The following NEXMIF variants were observed in gnomAD, a reference collection of about 807,000 sequenced individuals.
NEXMIF encodes the protein neurite extension and migration factor.
NEXMIF carries 8 observed loss-of-function variants against 62.1 expected under a neutral mutation model. The observed-to-expected ratio is 0.13, with a 90% CI of 0.08 to 0.23. The LOEUF (loss-of-function observed/expected upper bound fraction) is 0.23. NEXMIF is among the 10% of genes least tolerant of loss of function. NEXMIF has a pLI of 1.00. For synonymous variants in NEXMIF, 404 were observed against 416.6 expected (o/e 0.97, Z 0.37); for missense variants, 976 against 1,113.3 (o/e 0.88, Z 1.75).
At chrX:74,794,094 C>T (rs2080296479) in intron 1 of NEXMIF, among the ~76,000 whole-genome samples, 1 of 101,148 alleles carries the variant, frequency 9.9e-6, no homozygotes, top group Non-Finnish European at 2.0e-5. Context: ...GTTTTTTCCC[C>T]ATCTTTGTGG....
chrX:74,922,260 G>A (rs1039234964), intron 1 of NEXMIF, among the ~76,000 whole-genome samples: 19 of 111,760 alleles, frequency 1.7e-4, no homozygotes, highest in African/African-American at 5.9e-4. Context: ...AAGAAAAAGA[G>A]GGAAAAGGGA....
At chrX:74,831,507 T>C (rs1460850757) in intron 1 of NEXMIF, among the ~76,000 whole-genome samples, 2 of 110,223 alleles carry the variant, frequency 1.8e-5, no homozygotes, top group Non-Finnish European at 3.8e-5. Flanking sequence ...TCCATGTCCC[T>C]ACAAAGGACA....
At chrX:74,920,963 G>A (rs1569369488) in intron 1 of NEXMIF, among the ~76,000 whole-genome samples, 1 of 111,478 alleles carries the variant, frequency 9.0e-6, no homozygotes, top group Non-Finnish European at 1.9e-5. Flanking sequence ...TTTTTTTAAT[G>A]GGGCTTGAGG....
chrX:74,835,464 T>C (rs1236041942), intron 1 of NEXMIF, among the ~76,000 whole-genome samples: 1 of 112,001 alleles, frequency 8.9e-6, no homozygotes, highest in African/African-American at 3.2e-5. Flanking sequence ...GCTTTACAAG[T>C]ATTTTAAGAG....
intron 1 of NEXMIF, among the ~76,000 whole-genome samples, chrX:74,749,464 C>A (rs142189094): frequency 1.0e-3 from 116 of 111,036 alleles, no homozygotes; most frequent in Middle Eastern, 9.4e-3. Flanking sequence ...CCAGTTGTAT[C>A]CTCTTTTCAT....
chrX:74,925,242 T>C lies in NEXMIF; in HGVS notation c.-407A>G. On this transcript the variant is annotated 5_prime_UTR_variant, in exon 1 of 4. Coordinates refer to ENST00000055682, the MANE Select transcript of NEXMIF (RefSeq NM_001008537.3). ...CACTGTCGCTCGCCCCGGCTGGAGC[T>C]ACCTAGCGAGCGGGCTGCGCGCTCG... The C allele has an allele frequency of 8.4e-6, 1 of 118,933 alleles. No individual in the cohort carries two copies. Among genetic ancestry groups the C allele is most frequent in the Non-Finnish European group, 1.8e-5 (1 of 56,529 alleles). 9.8% of individuals were successfully genotyped at this position (118,933 alleles called of 1,213,427 possible). A position where few individuals can be genotyped will look rare whatever the true frequency, so the allele number is the denominator to read the frequency against.
At chrX:74,822,928 A>G (rs2080402038) in intron 1 of NEXMIF, among the ~76,000 whole-genome samples, 1 of 112,059 alleles carries the variant, frequency 8.9e-6, no homozygotes, top group African/African-American at 3.2e-5. Context: ...ATTTTTCACA[A>G]TAGCCAAAAT....
At chrX:74,786,816 TACACAC>T (rs761602482) in intron 1 of NEXMIF, among the ~76,000 whole-genome samples, 1 of 107,307 alleles carries the variant, frequency 9.3e-6, no homozygotes, top group Non-Finnish European at 1.9e-5. Context: ...AACAAGGTTG[TACACAC>T]ACACACACAC....
intron 1 of NEXMIF, among the ~76,000 whole-genome samples, chrX:74,751,045 T>A (rs958622749): frequency 9.0e-6 from 1 of 111,001 alleles, no homozygotes; most frequent in African/African-American, 3.3e-5. Context: ...CTGGGCAACA[T>A]GGGGAAACCC....
Position 74,763,183 on chromosome X carries a change from A to C in NEXMIF, c.-47-17486T>G, listed in dbSNP as rs1156907686. 6.3e-5 allele frequency among the ~76,000 whole-genome samples: 7 copies of C among 111,991 alleles called. No homozygotes were observed. The East Asian group carries it at 1.1e-3, about 18-fold the overall frequency. On this transcript the variant is annotated intron_variant, in intron 1 of 3. Transcript: ENST00000055682. Reference sequence around the variant, plus strand: ...GGGATCCAGTTTCAGCTTTCTACATATGGCTAGCCAGTTATTCCAGCACCA... The same window carrying C: ...GGGATCCAGTTTCAGCTTTCTACATCTGGCTAGCCAGTTATTCCAGCACCA...
intron 1 of NEXMIF, among the ~76,000 whole-genome samples, chrX:74,810,585 G>A (rs2147474507): frequency 9.7e-6 from 1 of 103,423 alleles, no homozygotes; most frequent in African/African-American, 3.5e-5. Context: ...GAGGTTAGGA[G>A]TCAGGGAGTG....
intron 1 of NEXMIF, among the ~76,000 whole-genome samples, chrX:74,885,729 G>A (rs56671181): frequency 0.082 from 9,130 of 111,487 alleles, 926 homozygotes; most frequent in African/African-American, 0.28. Flanking sequence ...ACAAGGAGGA[G>A]CTGGTACCAT....
chrX:74,749,927 G>A (rs1466307728), intron 1 of NEXMIF, among the ~76,000 whole-genome samples: 1 of 112,001 alleles, frequency 8.9e-6, no homozygotes, highest in Non-Finnish European at 1.9e-5. Context: ...AGATGGGAGA[G>A]AATTTAGGGA....
At chrX:74,892,875 C>T (rs1018546404) in intron 1 of NEXMIF, among the ~76,000 whole-genome samples, 3 of 111,727 alleles carry the variant, frequency 2.7e-5, no homozygotes, top group Non-Finnish European at 3.8e-5. Context: ...TTTCTTTCTA[C>T]GAATTAGAGT....
In NEXMIF at chrX:74,737,608, C is replaced by T. The variant is rs751107363; in HGVS notation, c.*1797G>A. 1 of 111,396 alleles carries T rather than the reference C, an allele frequency of 9.0e-6. No homozygotes were observed. The highest frequency in any genetic ancestry group is 2.9e-4 in the East Asian group (1 of 3,505). 9.2% of individuals were successfully genotyped at this position (111,396 alleles called of 1,213,427 possible). A position where few individuals can be genotyped will look rare whatever the true frequency, so the allele number is the denominator to read the frequency against. Reference sequence around the variant, plus strand: ...ACCCAGCTGTAAGGAATAGAGCAGGCTGGTGAAAGGAATCATGGACCGGGA... The same window carrying T: ...ACCCAGCTGTAAGGAATAGAGCAGGTTGGTGAAAGGAATCATGGACCGGGA... On this transcript the variant is annotated 3_prime_UTR_variant, in exon 4 of 4. Transcript: ENST00000055682.
rs1041986802 is a variant in NEXMIF at position 74,740,123 on chromosome X, C to A, written c.4434G>T (p.Gly1478=). The part of the protein sequence containing the change: ...EREQVHKDES[G]TASFEKLRDS... ...ACCTCAGTTTTTCAAAAGAAGCTGT[C>A]CCAGACTCATCCTTGTGGACCTGTT... Residue 1478 remains glycine, a synonymous_variant, in exon 3 of 4, where the codon GGG becomes GGT. Transcript: ENST00000055682. 1.7e-6 allele frequency: 2 copies of A among 1,208,289 alleles called. No homozygotes were observed. The highest frequency in any genetic ancestry group is 3.5e-5 in the African/African-American group (2 of 56,775).
chrX:74,743,013 G>T lies in NEXMIF; in HGVS notation c.1544C>A (p.Ser515Tyr). 8.3e-7 allele frequency: 1 copy of T among 1,210,813 alleles called. No homozygotes were observed. The highest frequency in any genetic ancestry group is 1.7e-5 in the African/African-American group (1 of 57,629). Residue 515 changes from serine to tyrosine, a missense_variant, in exon 3 of 4, where the codon TCC becomes TAC. By Grantham distance (144) the Ser-to-Tyr change is moderately radical. Around this residue, in one of 5 missense-constraint regions of NEXMIF, gnomAD observed 639 missense variants for 694.5 expected, o/e 0.92. Transcript: ENST00000055682. The part of the protein sequence containing the change: ...NERKEWLPVG[S>Y]KEEDDDEWCP... ...CCATTCATCATCATCTTCCTCTTTG[G>T]AACCAACTGGCAGCCATTCCTTCCT...
chrX:74,741,202 G>C lies in NEXMIF; in HGVS notation c.3355C>G (p.Leu1119Val). 1 of 1,211,410 alleles carries C rather than the reference G, an allele frequency of 8.3e-7. No homozygotes were observed. The highest frequency in any genetic ancestry group is 1.1e-6 in the Non-Finnish European group (1 of 895,400). Residue 1119 changes from leucine to valine, a missense_variant, in exon 3 of 4, where the codon CTT (leucine) becomes GTT (valine). Physicochemically the swap from Leu to Val is conservative, Grantham distance 32. This residue lies in a region of NEXMIF where 639 missense variants were observed against 694.5 expected (regional missense o/e 0.92). Coordinates refer to ENST00000055682, the MANE Select transcript of NEXMIF (RefSeq NM_001008537.3). Reference sequence around the variant, plus strand: ...TCCTCCATTTGGACCTGCCGTGAAAGGGTACTGCAGTCCCACTTGATTTTT... The same window carrying C: ...TCCTCCATTTGGACCTGCCGTGAAACGGTACTGCAGTCCCACTTGATTTTT... ...VEKIKWDCST[L>V]SRQVQMEDGF... is the part of the protein sequence containing the mutation.
At chrX:74,802,254 G>A (rs772038413) in intron 1 of NEXMIF, among the ~76,000 whole-genome samples, 7 of 111,275 alleles carry the variant, frequency 6.3e-5, no homozygotes, top group Non-Finnish European at 1.1e-4. Context: ...CCTTGTGTAA[G>A]ACCCAGTGTT....
Sources: gnomAD v4.1 joint callset for allele counts (sites outside exome capture counted in the v4.1 genomes callset) on GRCh38, gnomAD v4.1.1 for gene constraint, gnomAD v4.1.1 regional missense constraint, MANE v1.5 for transcripts, NCBI Gene and HGNC (gene_info 2026-07-23, HGNC 2026-07-21) for gene names.